EBF1: variants seen among roughly 807,000 people sequenced by gnomAD.
EBF1 encodes transcription factor COE1.
Under a neutral mutation model 68.4 loss-of-function variants are expected in EBF1, and 10 were observed. That is an observed-to-expected ratio of 0.15 (90% CI 0.09 to 0.25). The LOEUF is 0.25. Among genes scored for constraint, EBF1 ranks in the 10% least tolerant of loss-of-function variants. The pLI, the probability that EBF1 is intolerant of heterozygous loss-of-function variation, is 1.00. For synonymous variants in EBF1, 298 were observed against 299.8 expected (o/e 0.99, Z 0.06); for missense variants, 509 against 794.4 (o/e 0.64, Z 4.32).
intron 6 of EBF1, among the ~76,000 whole-genome samples, chr5:158,999,436 C>G (rs1446898325): frequency 1.3e-5 from 2 of 152,318 alleles, no homozygotes; most frequent in African/African-American, 4.8e-5. Context: ...ATCTTTTTCT[C>G]TCTCTTGGCT....
intron 6 of EBF1, among the ~76,000 whole-genome samples, chr5:158,977,379 T>C (rs1756979206): frequency 6.6e-6 from 1 of 152,256 alleles, no homozygotes; most frequent in Non-Finnish European, 1.5e-5. Context: ...AATTAGAAAG[T>C]ACACGTAAAG....
chr5:159,097,969 C>A (rs2128013613), intron 1 of EBF1, among the ~76,000 whole-genome samples: 2 of 152,300 alleles, frequency 1.3e-5, no homozygotes, highest in East Asian at 3.9e-4. Flanking sequence ...ACGAGCGCCC[C>A]GCGCACACAC....
At chr5:158,758,040 T>C (rs141842412) in intron 10 of EBF1, among the ~76,000 whole-genome samples, 24 of 152,338 alleles carry the variant, frequency 1.6e-4, no homozygotes, top group Admixed American at 1.4e-3. Flanking sequence ...GAGTTCTTCA[T>C]GTGCACCTTT....
intron 6 of EBF1, among the ~76,000 whole-genome samples, chr5:158,859,773 C>T (rs1243666242): frequency 6.6e-6 from 1 of 152,234 alleles, no homozygotes; most frequent in African/African-American, 2.4e-5. Context: ...CAAGCCAACT[C>T]CAAATCCACC....
chr5:158,709,938 TTGGGGTGGGG>T (rs1758801107), intron 14 of EBF1, among the ~76,000 whole-genome samples: 3 of 152,164 alleles, frequency 2.0e-5, no homozygotes, highest in Non-Finnish European at 2.9e-5. Context: ...GTGGGGAGTT[TTGGGGTGGGG>T]GGCCAGTTAA....
chr5:158,916,223 T>C (rs1310290985), intron 6 of EBF1, among the ~76,000 whole-genome samples: 1 of 152,170 alleles, frequency 6.6e-6, no homozygotes, highest in African/African-American at 2.4e-5. Context: ...TCAGGATTCA[T>C]GTGGCAGGAC....
At chr5:158,888,449 A>G (rs1386173896) in intron 6 of EBF1, among the ~76,000 whole-genome samples, 3 of 152,194 alleles carry the variant, frequency 2.0e-5, no homozygotes, top group African/African-American at 4.8e-5. Context: ...AAGAATGTGA[A>G]CCTAGTATAG....
intron 10 of EBF1, among the ~76,000 whole-genome samples, chr5:158,765,219 G>T (rs566157949): frequency 6.6e-6 from 1 of 152,054 alleles, no homozygotes; most frequent in South Asian, 2.1e-4. Context: ...CAATGCAAAT[G>T]TTTCATTTTT....
chr5:158,713,196 C>T, intron 12 of EBF1, 49 bp from the exon 13 acceptor site: 1 of 1,324,570 alleles, frequency 7.5e-7, no homozygotes, highest in Non-Finnish European at 9.8e-7. Flanking sequence ...GTCATATTCC[C>T]AATAATACCA....
At chr5:158,852,906 AT>A in intron 6 of EBF1, among the ~76,000 whole-genome samples, 1 of 152,326 alleles carries the variant, frequency 6.6e-6, no homozygotes, top group East Asian at 1.9e-4. Flanking sequence ...CACTGAAAAC[AT>A]AATTCTGAAA....
At chr5:158,878,831 A>G (rs1798293271) in intron 6 of EBF1, among the ~76,000 whole-genome samples, 1 of 151,950 alleles carries the variant, frequency 6.6e-6, no homozygotes, top group South Asian at 2.1e-4. Flanking sequence ...TTTAGTAGAG[A>G]TGGAGTTTCA....
At chr5:158,748,904 G>A (rs1366517590) in intron 10 of EBF1, among the ~76,000 whole-genome samples, 4 of 152,130 alleles carry the variant, frequency 2.6e-5, no homozygotes, top group Admixed American at 6.6e-5. Context: ...ATCAAAGGAG[G>A]GGGGAAGAAA....
intron 9 of EBF1, among the ~76,000 whole-genome samples, chr5:158,788,142 C>T (rs552191039): frequency 2.0e-5 from 3 of 152,230 alleles, no homozygotes; most frequent in Non-Finnish European, 4.4e-5. Flanking sequence ...TATCCTGGAT[C>T]CTGCATTCAA....
At chr5:158,784,381 G>A (rs1777014358) in intron 9 of EBF1, among the ~76,000 whole-genome samples, 2 of 152,120 alleles carry the variant, frequency 1.3e-5, no homozygotes, top group African/African-American at 4.8e-5. Context: ...CTCTGCCTTT[G>A]AAAGCATGGA....
chr5:158,841,616 T>C (rs1790352418), intron 6 of EBF1, among the ~76,000 whole-genome samples: 1 of 152,224 alleles, frequency 6.6e-6, no homozygotes, highest in African/African-American at 2.4e-5. Flanking sequence ...CTATGATGCC[T>C]CAGTCTGAAT....
At chr5:158,835,947 T>G (rs1788679601) in intron 7 of EBF1, among the ~76,000 whole-genome samples, 1 of 152,176 alleles carries the variant, frequency 6.6e-6, no homozygotes, top group African/African-American at 2.4e-5. Context: ...ATCATCATCA[T>G]CGCTACCAAT....
At position 158,795,959 on chromosome 5, in the gene EBF1, G is replaced by A. The variant is rs138199061; in HGVS notation, c.909+386C>T. On this transcript the variant is annotated intron_variant, in intron 9 of 15. Coordinates refer to ENST00000313708, the MANE Select transcript of EBF1 (RefSeq NM_024007.5). ...GATGTTCCTTGAAGATCAGGCTACC[G>A]TAGACTCTTTCTGCAAAATAGTCAC... Among the ~76,000 whole-genome samples, 1,135 of 152,208 alleles carry A rather than the reference G, an allele frequency of 7.5e-3. 19 individuals are homozygous for A. Among genetic ancestry groups the A allele is most frequent in the African/African-American group, 0.026 (1,084 of 41,510 alleles).
At chr5:159,001,206 T>C (rs1160071481) in intron 6 of EBF1, among the ~76,000 whole-genome samples, 1 of 152,228 alleles carries the variant, frequency 6.6e-6, no homozygotes, top group Non-Finnish European at 1.5e-5. Context: ...CATTATAAAC[T>C]GTGTTTATGT....
intron 15 of EBF1, among the ~76,000 whole-genome samples, chr5:158,700,511 T>TAA (rs76186329): frequency 2.3e-5 from 3 of 131,564 alleles, no homozygotes; most frequent in Admixed American, 7.6e-5. Context: ...AATGTGCCTT[T>TAA]AAAAAAAAAA....
Sources: allele counts gnomAD v4.1 joint callset (sites outside exome capture counted in the v4.1 genomes callset), GRCh38; gene constraint gnomAD v4.1.1; transcripts MANE v1.5; gene names NCBI Gene and HGNC (gene_info 2026-07-23, HGNC 2026-07-21).